CASC3: variants seen among roughly 807,000 people sequenced by gnomAD.
CASC3 encodes the protein CASC3 exon junction complex subunit.
Under a neutral mutation model 80.5 loss-of-function variants are expected in CASC3, and 30 were observed. The observed-to-expected ratio is 0.37, with a 90% CI of 0.28 to 0.51. The LOEUF (loss-of-function observed/expected upper bound fraction) is 0.51. CASC3 is among the 20% of genes least tolerant of loss of function. The pLI is 0.94. For missense variants in CASC3, 824 were observed against 922.2 expected (o/e 0.89, Z 1.38); for synonymous variants, 312 against 333.6 (o/e 0.94, Z 0.70).
In CASC3 at chr17:40,162,766, G is replaced by A. The variant is rs199997797; in HGVS notation, c.650G>A (p.Arg217His). 111 of 1,613,992 alleles carry A rather than the reference G, an allele frequency of 6.9e-5. 1 individual carries two copies. In the East Asian group the frequency reaches 1.9e-3, roughly 28 times the overall value. Reference sequence around the variant, plus strand: ...CGAAAGCTATGGAAGGATGAGGGTCGCTGGGAGCATGACAAGTTCCGGGAA... The same window carrying A: ...CGAAAGCTATGGAAGGATGAGGGTCACTGGGAGCATGACAAGTTCCGGGAA... ...RQRKLWKDEG[R>H]WEHDKFREDE... The change falls in exon 6 of 14, where the codon CGC becomes CAC. Residue 217 changes from arginine (R) to histidine (H), a missense_variant. Transcript: ENST00000264645.
chr17:40,157,370 T>TAAA (rs201603811), intron 3 of CASC3, among the ~76,000 whole-genome samples: 22,058 of 135,538 alleles, frequency 0.16, 2,094 homozygotes, highest in Non-Finnish European at 0.22. Flanking sequence ...AATAAATAAA[T>TAAA]TAATTAATTA....
At chr17:40,159,952 G>A (rs1989251597) in intron 3 of CASC3, among the ~76,000 whole-genome samples, 1 of 151,952 alleles carries the variant, frequency 6.6e-6, no homozygotes, top group Non-Finnish European at 1.5e-5. Context: ...CGGACCTCAA[G>A]TGATCCACCT....
At chr17:40,159,551 T>TTG (rs1392157524) in intron 3 of CASC3, among the ~76,000 whole-genome samples, 16 of 145,406 alleles carry the variant, frequency 1.1e-4, no homozygotes, top group African/African-American at 4.3e-4. Context: ...TGTGTTTTTT[T>TTG]TTTTTTTTTT....
intron 3 of CASC3, among the ~76,000 whole-genome samples, chr17:40,155,080 G>A (rs947227121): frequency 1.3e-5 from 2 of 151,550 alleles, no homozygotes; most frequent in Non-Finnish European, 2.9e-5. Flanking sequence ...TAGTAGAGAT[G>A]GGGTTTCACC....
In CASC3 at chr17:40,140,554, G is replaced by A. The variant is rs769504102; in HGVS notation, c.6G>A (p.Ala2=). M[A]DRRRQRASQD... is the part of the protein sequence containing the mutation. ...TGGTGGCCGTTCTCCGTAAGATGGC[G>A]GACCGGCGGCGGCAGCGCGCTTCGC... is the stretch of plus-strand genomic sequence containing the variant. Residue 2 remains alanine, a synonymous_variant, in exon 1 of 14, where the codon GCG becomes GCA. Coordinates refer to ENST00000264645, the MANE Select transcript of CASC3 (RefSeq NM_007359.5). 3.1e-6 allele frequency: 5 copies of A among 1,607,376 alleles called. No individual in the cohort carries two copies. The highest frequency in any genetic ancestry group is 1.3e-5 in the African/African-American group (1 of 74,838).
intron 3 of CASC3, among the ~76,000 whole-genome samples, chr17:40,155,840 C>G (rs17678990): frequency 0.016 from 2,391 of 152,272 alleles, 31 homozygotes; most frequent in Non-Finnish European, 0.024. Context: ...TTGATGACAT[C>G]CCTTTGCCAA....
chr17:40,170,101 G>C (rs1989559221), intron 13 of CASC3, among the ~76,000 whole-genome samples: 2 of 152,110 alleles, frequency 1.3e-5, no homozygotes, highest in African/African-American at 4.8e-5. Context: ...TATCTCAGGA[G>C]GCTTAAAGGA....
At chr17:40,148,580 C>T (rs952474777) in intron 3 of CASC3, among the ~76,000 whole-genome samples, 5 of 152,026 alleles carry the variant, frequency 3.3e-5, no homozygotes, top group African/African-American at 9.7e-5. Flanking sequence ...AGGCTGGTCT[C>T]GAACTCCTGA....
At chr17:40,154,022 C>T (rs1241879636) in intron 3 of CASC3, among the ~76,000 whole-genome samples, 2 of 150,810 alleles carry the variant, frequency 1.3e-5, no homozygotes, top group African/African-American at 2.4e-5. Context: ...TGCAGTGAGC[C>T]GATTTGATTC....
chr17:40,148,809 C>T (rs1031457811), intron 3 of CASC3, among the ~76,000 whole-genome samples: 2 of 152,198 alleles, frequency 1.3e-5, no homozygotes, highest in African/African-American at 2.4e-5. Context: ...ACAGGTCCTA[C>T]AGCTGTTGGT....
rs747851575 is a variant in CASC3 at position 40,140,726 on chromosome 17, C to T, written c.178C>T (p.His60Tyr). 5.2e-6 allele frequency: 8 copies of T among 1,551,068 alleles called. No individual in the cohort carries two copies. Among genetic ancestry groups the T allele is most frequent in the African/African-American group, 2.7e-5 (2 of 72,820 alleles). The change falls in exon 1 of 14, where the codon CAT (histidine) becomes TAT (tyrosine). Residue 60 changes from histidine to tyrosine, a missense_variant. Transcript: ENST00000264645. ...SQRGGRTGAL[H>Y]LRRVESGGAK... ...GCGCGGAGGCCGAACCGGGGCCCTT[C>T]ATCTGCGGCGGGTGGAGAGCGGGGG...
chr17:40,140,640 G>C lies in CASC3; in HGVS notation c.92G>C (p.Arg31Pro). Reference protein sequence around the residue: ...SGSDSGGSPLRGGGSCSGSAG... With the variant: ...SGSDSGGSPLPGGGSCSGSAG... ...TCCGACAGCGGCGGCTCCCCGTTGC[G>C]GGGAGGCGGGAGCTGCAGCGGTAGC... The change falls in exon 1 of 14, where the codon CGG (arginine) becomes CCG (proline). Residue 31 changes from arginine to proline, a missense_variant. Arg to Pro is a moderately radical substitution (Grantham distance 103). Around this residue, in one of 3 missense-constraint regions of CASC3, gnomAD observed 159 missense variants for 122.2 expected, o/e 1.30. Transcript: ENST00000264645. 6.2e-7 allele frequency: 1 copy of C among 1,607,790 alleles called. No homozygotes were observed.
chr17:40,140,554 G>T lies in CASC3; in HGVS notation c.6G>T (p.Ala2=). 6.2e-7 allele frequency: 1 copy of T among 1,607,492 alleles called. No homozygotes were observed. The change falls in exon 1 of 14, where the codon GCG becomes GCT. Residue 2 remains alanine (A), a synonymous_variant. Coordinates refer to ENST00000264645, the MANE Select transcript of CASC3 (RefSeq NM_007359.5). M[A]DRRRQRASQD... is the part of the protein sequence containing the mutation. ...TGGTGGCCGTTCTCCGTAAGATGGC[G>T]GACCGGCGGCGGCAGCGCGCTTCGC...
Position 40,171,327 on chromosome 17 carries a change from G to A in CASC3, c.*922G>A. ...GGTGTGTATTCACATAGTCCTCAGG[G>A]CTCAGTCTTTTGAGGTAAGTGGAAT... On this transcript the variant is annotated 3_prime_UTR_variant, in exon 14 of 14. Coordinates refer to ENST00000264645, the MANE Select transcript of CASC3 (RefSeq NM_007359.5). 8.1e-6 allele frequency: 8 copies of A among 985,998 alleles called. No individual in the cohort carries two copies. The highest frequency in any genetic ancestry group is 9.6e-6 in the Non-Finnish European group (8 of 829,964). 61.1% of individuals were successfully genotyped at this position (985,998 alleles called of 1,614,324 possible).
In CASC3 at chr17:40,168,251, A is replaced by G. The variant is rs766508844; in HGVS notation, c.1799A>G (p.Tyr600Cys). 13 of 1,614,084 alleles carry G rather than the reference A, an allele frequency of 8.1e-6. No homozygotes were observed. The South Asian group carries it at 9.9e-5, about 12-fold the overall frequency. ...GCTCCTCTGCCCAATCCAGGCCTCTATCCCCCACCAGTGTCCATGTCTCCA... is the reference window on the plus strand; with the variant it reads ...GCTCCTCTGCCCAATCCAGGCCTCTGTCCCCCACCAGTGTCCATGTCTCCA... Reference protein sequence around the residue: ...TPAPLPNPGLYPPPVSMSPGQ... With the variant: ...TPAPLPNPGLCPPPVSMSPGQ... Residue 600 changes from tyrosine to cysteine, a missense_variant, in exon 11 of 14, where the codon TAT becomes TGT. Coordinates refer to ENST00000264645, the MANE Select transcript of CASC3 (RefSeq NM_007359.5).
intron 3 of CASC3, among the ~76,000 whole-genome samples, chr17:40,153,525 A>G (rs976491675): frequency 1.3e-5 from 2 of 152,188 alleles, no homozygotes; most frequent in African/African-American, 4.8e-5. Context: ...TAGGAATGGA[A>G]TTGCTGAGTC....
Position 40,161,782 on chromosome 17 carries a change from A to C in CASC3, c.327A>C (p.Glu109Asp). The C allele has an allele frequency of 6.2e-7, 1 of 1,614,186 alleles. No homozygotes were observed. The highest frequency in any genetic ancestry group is 8.5e-7 in the Non-Finnish European group (1 of 1,180,026). ...EGEEGEYSEE[E>D]NSKVELKSEA... ...AAGAAGGTGAATACAGTGAAGAGGA[A>C]AACTCCAAAGTGGAGCTGAAATCAG... The change falls in exon 4 of 14, where the codon GAA (glutamate) becomes GAC (aspartate). Residue 109 changes from glutamate to aspartate, a missense_variant. Physicochemically the swap from Glu to Asp is conservative, Grantham distance 45. Transcript: ENST00000264645.
chr17:40,168,140 G>A, intron 10 of CASC3, 63 bp from the exon 11 acceptor site: 1 of 1,477,656 alleles, frequency 6.8e-7, no homozygotes, highest in Admixed American at 1.7e-5. Context: ...GAGCAGTCCA[G>A]CCGGGCCATC....
chr17:40,164,218 T>G, intron 7 of CASC3, 52 bp downstream of exon 7: 3 of 1,390,830 alleles, frequency 2.2e-6, no homozygotes, highest in African/African-American at 1.4e-5. Flanking sequence ...ATCATCAGGT[T>G]TAGGGGCATG....
Sources: gnomAD v4.1 joint callset for allele counts (sites outside exome capture counted in the v4.1 genomes callset) on GRCh38, gnomAD v4.1.1 for gene constraint, gnomAD v4.1.1 regional missense constraint, MANE v1.5 for transcripts, NCBI Gene and HGNC (gene_info 2026-07-23, HGNC 2026-07-21) for gene names.